FNDC3B: variants seen among roughly 807,000 people sequenced by gnomAD.
FNDC3B encodes the protein fibronectin type III domain containing 3B, also known as fibronectin type III domain-containing protein 3B.
Under a neutral mutation model 151.5 loss-of-function variants are expected in FNDC3B, and 12 were observed. The observed-to-expected ratio is 0.08, with a 90% CI of 0.05 to 0.13. FNDC3B has a LOEUF of 0.13. FNDC3B is among the 10% of genes least tolerant of loss of function. The pLI, the probability that FNDC3B is intolerant of heterozygous loss-of-function variation, is 1.00. For missense variants in FNDC3B, 1,214 were observed against 1,505.3 expected (o/e 0.81, Z 3.20); for synonymous variants, 528 against 549.0 (o/e 0.96, Z 0.54).
intron 3 of FNDC3B, among the ~76,000 whole-genome samples, chr3:172,178,753 T>A (rs34652562): frequency 0.38 from 58,120 of 152,014 alleles, 11,304 homozygotes; most frequent in Non-Finnish European, 0.41. Flanking sequence ...GTGCAAGTTA[T>A]AATAGAATTT....
intron 21 of FNDC3B, among the ~76,000 whole-genome samples, chr3:172,350,174 C>T (rs1320558901): frequency 1.3e-5 from 2 of 152,154 alleles, no homozygotes; most frequent in Admixed American, 1.3e-4. Flanking sequence ...AAGTGTAGCT[C>T]CTACTGTTGG....
chr3:172,350,535 G>A (rs1733807361), intron 21 of FNDC3B, among the ~76,000 whole-genome samples: 1 of 152,190 alleles, frequency 6.6e-6, no homozygotes, highest in Non-Finnish European at 1.5e-5. Context: ...TTTCCAGAAA[G>A]AGAGTTGAGG....
At chr3:172,072,358 A>G (rs1016949718) in intron 1 of FNDC3B, among the ~76,000 whole-genome samples, 3 of 151,732 alleles carry the variant, frequency 2.0e-5, no homozygotes, top group African/African-American at 7.3e-5. Context: ...GGTAATGACA[A>G]TATCTTGGCA....
At chr3:172,079,281 G>T (rs971188366) in intron 1 of FNDC3B, among the ~76,000 whole-genome samples, 1 of 152,154 alleles carries the variant, frequency 6.6e-6, no homozygotes, top group Non-Finnish European at 1.5e-5. Context: ...AAATAAATGT[G>T]TATTAAGTCT....
intron 23 of FNDC3B, among the ~76,000 whole-genome samples, chr3:172,368,348 A>G (rs1394838751): frequency 2.0e-5 from 3 of 152,084 alleles, no homozygotes; most frequent in Non-Finnish European, 4.4e-5. Flanking sequence ...TGCCTATTAT[A>G]GAACAAACTC....
At chr3:172,220,870 C>T (rs1409374850) in intron 3 of FNDC3B, among the ~76,000 whole-genome samples, 1 of 152,114 alleles carries the variant, frequency 6.6e-6, no homozygotes, top group African/African-American at 2.4e-5. Context: ...AGGAATATCA[C>T]TTGAGCCCCA....
At chr3:172,104,374 A>G (rs1719524688) in intron 1 of FNDC3B, among the ~76,000 whole-genome samples, 1 of 150,414 alleles carries the variant, frequency 6.6e-6, no homozygotes, top group African/African-American at 2.4e-5. Flanking sequence ...GTTTTCCAAT[A>G]CTCAGTGCTG....
intron 3 of FNDC3B, among the ~76,000 whole-genome samples, chr3:172,141,200 T>G (rs572786456): frequency 6.6e-4 from 100 of 152,320 alleles, no homozygotes; most frequent in Non-Finnish European, 1.2e-3. Flanking sequence ...TTCCTACTTG[T>G]AGAAATCAGT....
At chr3:172,234,776 T>G (rs1291196173) in intron 4 of FNDC3B, among the ~76,000 whole-genome samples, 1 of 152,216 alleles carries the variant, frequency 6.6e-6, no homozygotes, top group Non-Finnish European at 1.5e-5. Flanking sequence ...ATAATCTATC[T>G]TTCTAAACTA....
At chr3:172,304,560 G>C (rs1731096013) in intron 9 of FNDC3B, among the ~76,000 whole-genome samples, 1 of 152,172 alleles carries the variant, frequency 6.6e-6, no homozygotes, top group African/African-American at 2.4e-5. Context: ...TCTAAAGCGG[G>C]GAGCTGCCCA....
intron 4 of FNDC3B, among the ~76,000 whole-genome samples, chr3:172,238,656 C>G (rs780869501): frequency 1.3e-5 from 2 of 152,128 alleles, no homozygotes; most frequent in Non-Finnish European, 2.9e-5. Context: ...CGTTTCAAAT[C>G]TCTACCCTAC....
intron 4 of FNDC3B, among the ~76,000 whole-genome samples, chr3:172,233,089 T>G (rs1172299947): frequency 6.6e-6 from 1 of 152,210 alleles, no homozygotes; most frequent in African/African-American, 2.4e-5. Flanking sequence ...TCTGAATAAT[T>G]TATATGTAAA....
At chr3:172,332,982 A>G in intron 13 of FNDC3B, 107 bp from the exon 14 acceptor site, 1 of 782,338 alleles carries the variant, frequency 1.3e-6, no homozygotes, top group Non-Finnish European at 2.3e-6. Flanking sequence ...ACCTCTGGCC[A>G]GTTGCTGGTG....
chr3:172,160,200 G>A (rs1343895245), intron 3 of FNDC3B, among the ~76,000 whole-genome samples: 27 of 152,194 alleles, frequency 1.8e-4, no homozygotes, highest in Admixed American at 1.6e-3. Context: ...CCTCCTTCCA[G>A]CTCCCTGGAA....
At chr3:172,176,667 A>C (rs1365883267) in intron 3 of FNDC3B, among the ~76,000 whole-genome samples, 1 of 152,210 alleles carries the variant, frequency 6.6e-6, no homozygotes, top group African/African-American at 2.4e-5. Context: ...GTGCTGTAGG[A>C]ACCCTGAATT....
chr3:172,102,388 T>A (rs1000695781), intron 1 of FNDC3B, among the ~76,000 whole-genome samples: 1 of 152,188 alleles, frequency 6.6e-6, no homozygotes, highest in Non-Finnish European at 1.5e-5. Flanking sequence ...GTTTGGTGCT[T>A]GCAACACATT....
chr3:172,261,290 G>C (rs1482955151), intron 6 of FNDC3B, among the ~76,000 whole-genome samples: 1 of 152,210 alleles, frequency 6.6e-6, no homozygotes, highest in African/African-American at 2.4e-5. Context: ...AAGAGTCTCA[G>C]CATTTGTGAT....
In FNDC3B at chr3:172,398,096, A is replaced by G. The variant is rs1576979006; in HGVS notation, c.*621A>G. ...ATAATCTGTATTTCTTATAATTTTA[A>G]CACTATGAGCTGCCTGTATAAGAAA... On this transcript the variant is annotated 3_prime_UTR_variant, in exon 26 of 26. Coordinates refer to ENST00000415807, the MANE Select transcript of FNDC3B (RefSeq NM_022763.4). 6.5e-6 allele frequency: 1 copy of G among 152,788 alleles called. No individual in the cohort carries two copies. The allele number at this position is 152,788 out of a possible 1,614,324, so 9.5% of individuals were successfully genotyped here.
rs1725112124 is a variant in FNDC3B at position 172,200,876 on chromosome 3, G to A, written c.188-25995G>A. On this transcript the variant is annotated intron_variant, in intron 3 of 25. Transcript: ENST00000415807. Reference sequence around the variant, plus strand: ...AAAATGGATCTTGTTGTTTGGGAGGGGAAAGAGAATTTGAAGCGTTTTCTC... The same window carrying A: ...AAAATGGATCTTGTTGTTTGGGAGGAGAAAGAGAATTTGAAGCGTTTTCTC... Among the ~76,000 whole-genome samples, 3 of 152,096 alleles carry A rather than the reference G, an allele frequency of 2.0e-5. No homozygotes were observed. In the South Asian group the frequency reaches 6.2e-4, roughly 32 times the overall value.
Sources: allele counts gnomAD v4.1 joint callset (sites outside exome capture counted in the v4.1 genomes callset), GRCh38; gene constraint gnomAD v4.1.1; transcripts MANE v1.5; gene names NCBI Gene and HGNC (gene_info 2026-07-23, HGNC 2026-07-21).